The following PTPRD variants were observed in gnomAD, a reference collection of about 807,000 sequenced individuals.
PTPRD encodes the protein protein tyrosine phosphatase receptor type D.
PTPRD carries 34 observed loss-of-function variants against 214.5 expected under a neutral mutation model. The observed-to-expected ratio is 0.16, with a 90% CI of 0.12 to 0.21. The LOEUF (loss-of-function observed/expected upper bound fraction) is 0.21. Ranked by LOEUF, PTPRD falls within the 10% of genes least tolerant of loss-of-function variation. The pLI is 1.00. For synonymous variants in PTPRD, 1,128 were observed against 845.7 expected (o/e 1.33, Z -5.79); for missense variants, 2,545 against 2,398.7 (o/e 1.06, Z -1.27).
chr9:10,400,826 G>A (rs1182636741), intron 2 of PTPRD, among the ~76,000 whole-genome samples: 1 of 151,138 alleles, frequency 6.6e-6, no homozygotes, highest in Non-Finnish European at 1.5e-5. Flanking sequence ...GTTTACTTAG[G>A]AGCTAAAAGT....
chr9:10,157,718 G>C (rs1350840762), intron 3 of PTPRD, among the ~76,000 whole-genome samples: 1 of 152,098 alleles, frequency 6.6e-6, no homozygotes, highest in African/African-American at 2.4e-5. Flanking sequence ...GATGATATCC[G>C]AAAATATGTT....
At chr9:10,548,448 C>CT (rs1169712375) in intron 2 of PTPRD, among the ~76,000 whole-genome samples, 1 of 152,022 alleles carries the variant, frequency 6.6e-6, no homozygotes, top group Admixed American at 6.6e-5. Flanking sequence ...ACTATAGGAG[C>CT]TTAAGTACTT....
chr9:9,075,491 C>T (rs1443717200), intron 10 of PTPRD, among the ~76,000 whole-genome samples: 1 of 152,026 alleles, frequency 6.6e-6, no homozygotes, highest in African/African-American at 2.4e-5. Flanking sequence ...ATACATGTGT[C>T]ATGTTGATGT....
rs543822393 is a variant in PTPRD, at chr9:9,176,266, T to C, written c.-143+7038A>G. Among the ~76,000 whole-genome samples the C allele has an allele frequency of 3.9e-5, 6 of 152,296 alleles. No individual in the cohort carries two copies. In the East Asian group the frequency reaches 7.7e-4, roughly 20 times the overall value. ...TTAATTCAGCTTATTTATTTGGTCA[T>C]TTATTTCTAGAAAGAGGTATCTAAC... On this transcript the variant is annotated intron_variant, in intron 10 of 45. Transcript: ENST00000381196.
chr9:10,526,099 T>C (rs1032525561), intron 2 of PTPRD, among the ~76,000 whole-genome samples: 1 of 152,150 alleles, frequency 6.6e-6, no homozygotes, highest in Non-Finnish European at 1.5e-5. Flanking sequence ...CCTGCTGTCA[T>C]AGAAAGTTCT....
rs145365139 is a variant in PTPRD, at chr9:10,112,734, G to A, written c.-544-78944C>T. Among the ~76,000 whole-genome samples the A allele has an allele frequency of 8.2e-4, 125 of 152,278 alleles. 2 individuals are homozygous for A. In the South Asian group the frequency reaches 0.023, roughly 28 times the overall value. ...ACAGGCTAGGTTTCAATTTTCTAACGAGCCAGAAGATAATTCATTTGCTAG... is the reference window on the plus strand; with the variant it reads ...ACAGGCTAGGTTTCAATTTTCTAACAAGCCAGAAGATAATTCATTTGCTAG... On this transcript the variant is annotated intron_variant, in intron 3 of 45. Transcript: ENST00000381196.
intron 2 of PTPRD, among the ~76,000 whole-genome samples, chr9:10,492,763 G>A (rs1328529579): frequency 6.6e-6 from 1 of 152,030 alleles, no homozygotes; most frequent in Non-Finnish European, 1.5e-5. Flanking sequence ...ATTGCTTTTG[G>A]TGTTATTCAT....
chr9:9,025,826 T>C (rs1269184952), intron 10 of PTPRD, among the ~76,000 whole-genome samples: 2 of 151,958 alleles, frequency 1.3e-5, no homozygotes, highest in Non-Finnish European at 2.9e-5. Flanking sequence ...AACTGCGTGA[T>C]TAGAAAAAAA....
intron 2 of PTPRD, among the ~76,000 whole-genome samples, chr9:10,538,292 AAAT>A (rs1399012807): frequency 9.1e-4 from 133 of 145,386 alleles, no homozygotes; most frequent in Admixed American, 1.8e-3. Flanking sequence ...ATAAATAAAT[AAAT>A]AAAAAGGGAG....
intron 3 of PTPRD, among the ~76,000 whole-genome samples, chr9:10,085,696 C>T (rs931919947): frequency 6.6e-6 from 1 of 151,234 alleles, no homozygotes; most frequent in Non-Finnish European, 1.5e-5. Flanking sequence ...ACATACATGA[C>T]ACACACACAC....
chr9:8,967,927 C>T (rs919921933), intron 11 of PTPRD, among the ~76,000 whole-genome samples: 8 of 152,012 alleles, frequency 5.3e-5, no homozygotes, highest in East Asian at 1.9e-4. Context: ...CGAGAGGCCC[C>T]GGTGTGTGAT....
At chr9:9,256,655 G>C (rs959345228) in intron 9 of PTPRD, among the ~76,000 whole-genome samples, 12 of 152,084 alleles carry the variant, frequency 7.9e-5, no homozygotes, top group South Asian at 2.1e-4. Context: ...TTATAAGACA[G>C]TACTTATAAT....
chr9:8,536,096 ATTG>A (rs755304584), intron 14 of PTPRD, among the ~76,000 whole-genome samples: 84 of 152,034 alleles, frequency 5.5e-4, no homozygotes, highest in Middle Eastern at 3.4e-3. Flanking sequence ...ACTCAGTAAT[ATTG>A]TTATTTGTTT....
intron 9 of PTPRD, among the ~76,000 whole-genome samples, chr9:9,224,305 T>G (rs1593977677): frequency 1.3e-5 from 2 of 152,118 alleles, no homozygotes; most frequent in East Asian, 3.9e-4. Context: ...GGATATTATG[T>G]GTATGGGGAG....
chr9:9,152,459 G>A (rs1195139239), intron 10 of PTPRD, among the ~76,000 whole-genome samples: 1 of 152,140 alleles, frequency 6.6e-6, no homozygotes, highest in Non-Finnish European at 1.5e-5. Flanking sequence ...AAATTATGAT[G>A]TTCACACACA....
chr9:8,827,348 T>G (rs2097196641), intron 11 of PTPRD, among the ~76,000 whole-genome samples: 1 of 152,208 alleles, frequency 6.6e-6, no homozygotes, highest in Admixed American at 6.5e-5. Context: ...GGCTCATGCC[T>G]GTAATCCCAG....
chr9:9,723,415 A>G (rs1399190824), intron 7 of PTPRD, among the ~76,000 whole-genome samples: 4 of 152,034 alleles, frequency 2.6e-5, no homozygotes, highest in African/African-American at 9.7e-5. Flanking sequence ...ACAATGCCAT[A>G]CTTCATTGAT....
intron 7 of PTPRD, among the ~76,000 whole-genome samples, chr9:9,679,443 ATAAAT>A (rs1328483330): frequency 1.3e-5 from 2 of 152,084 alleles, no homozygotes; most frequent in East Asian, 1.9e-4. Context: ...AACTTTAAAA[ATAAAT>A]TAGAGACCAT....
Position 9,738,439 on chromosome 9 carries a change from C to CTTTTTTTTTTTTTTT in PTPRD, c.-325-3883_-325-3869dup, listed in dbSNP as rs71319292. On this transcript the variant is annotated intron_variant, in intron 6 of 45. Coordinates refer to ENST00000381196, the MANE Select transcript of PTPRD (RefSeq NM_002839.4). ...TGTATTAAAATTCTTCACTCACTCA[C>CTTTTTTTTTTTTTTT]TTTTTTTTTTTTTTTTTTTTTTGAG... Among the ~76,000 whole-genome samples the CTTTTTTTTTTTTTTT allele has an allele frequency of 2.5e-4, 19 of 76,514 alleles. 2 individuals carry two copies. The highest frequency in any genetic ancestry group is 5.4e-4 in the South Asian group (1 of 1,844). 50.2% of individuals were successfully genotyped at this position (76,514 alleles called of 152,430 possible).
Sources: allele counts gnomAD v4.1 joint callset (sites outside exome capture counted in the v4.1 genomes callset), GRCh38; gene constraint gnomAD v4.1.1; transcripts MANE v1.5; gene names NCBI Gene and HGNC (gene_info 2026-07-23, HGNC 2026-07-21).